SLC8A1: variants seen among roughly 807,000 people sequenced by gnomAD.
SLC8A1 encodes solute carrier family 8 member A1.
In SLC8A1, 18 loss-of-function variants were observed where a neutral mutation model predicts 68.3. The observed-to-expected ratio is 0.26, with a 90% CI of 0.18 to 0.39. The LOEUF (loss-of-function observed/expected upper bound fraction) is 0.39. Among genes scored for constraint, SLC8A1 ranks in the 10% least tolerant of loss-of-function variants. The pLI is 1.00. For missense variants in SLC8A1, 985 were observed against 1,156.7 expected (o/e 0.85, Z 2.15); for synonymous variants, 475 against 415.5 (o/e 1.14, Z -1.74).
At chr2:40,326,611 G>C (rs955659969) in intron 2 of SLC8A1, among the ~76,000 whole-genome samples, 1 of 152,002 alleles carries the variant, frequency 6.6e-6, no homozygotes, top group African/African-American at 2.4e-5. Flanking sequence ...CTTTCGAACT[G>C]CCAAGAGTTA....
At chr2:40,291,120 C>T (rs907631277) in intron 2 of SLC8A1, among the ~76,000 whole-genome samples, 6 of 152,148 alleles carry the variant, frequency 3.9e-5, no homozygotes, top group Admixed American at 2.6e-4. Flanking sequence ...TGGATGTAGG[C>T]GACTTCTTTC....
chr2:40,364,960 C>T (rs1675669736), intron 2 of SLC8A1, among the ~76,000 whole-genome samples: 2 of 151,770 alleles, frequency 1.3e-5, no homozygotes, highest in South Asian at 2.1e-4. Context: ...AGATTTGTTG[C>T]TGGGGCACAT....
chr2:40,424,822 T>C (rs1046129544), intron 2 of SLC8A1, among the ~76,000 whole-genome samples: 1 of 151,896 alleles, frequency 6.6e-6, no homozygotes, highest in African/African-American at 2.4e-5. Flanking sequence ...TGCTGGGCTA[T>C]AACTAATTAA....
intron 2 of SLC8A1, among the ~76,000 whole-genome samples, chr2:40,201,112 CA>C (rs1000261921): frequency 1.1e-3 from 160 of 144,662 alleles, no homozygotes; most frequent in African/African-American, 2.7e-3. Context: ...CCCACTCCCT[CA>C]AAAAAAAAAG....
intron 2 of SLC8A1, among the ~76,000 whole-genome samples, chr2:40,305,568 T>TGA (rs1207892792): frequency 1.3e-5 from 2 of 152,188 alleles, no homozygotes; most frequent in African/African-American, 4.8e-5. Context: ...TTTCAGAGGC[T>TGA]GTGATAAGCA....
chr2:40,237,880 T>A (rs2060618117), intron 2 of SLC8A1, among the ~76,000 whole-genome samples: 1 of 152,148 alleles, frequency 6.6e-6, no homozygotes, highest in Non-Finnish European at 1.5e-5. Flanking sequence ...GGTGTCAGTG[T>A]GCCCCTGCTG....
chr2:40,281,974 T>A (rs1252320942), intron 2 of SLC8A1, among the ~76,000 whole-genome samples: 1 of 152,192 alleles, frequency 6.6e-6, no homozygotes, highest in Non-Finnish European at 1.5e-5. Flanking sequence ...GGAGTCTGTT[T>A]ATTCTTCTAG....
chr2:40,417,407 T>A (rs1422371511), intron 2 of SLC8A1, among the ~76,000 whole-genome samples: 1 of 152,302 alleles, frequency 6.6e-6, no homozygotes, highest in South Asian at 2.1e-4. Context: ...AATCAAGACA[T>A]GTTTCTTAAT....
intron 2 of SLC8A1, among the ~76,000 whole-genome samples, chr2:40,327,824 A>G (rs1302262890): frequency 6.6e-6 from 1 of 152,186 alleles, no homozygotes; most frequent in African/African-American, 2.4e-5. Context: ...GGGTGATGGG[A>G]TCAGTCATAC....
intron 6 of SLC8A1, among the ~76,000 whole-genome samples, chr2:40,155,518 G>A (rs1244229964): frequency 6.6e-6 from 1 of 152,112 alleles, no homozygotes; most frequent in Admixed American, 6.6e-5. Flanking sequence ...CCATAGTAAT[G>A]ATGTTCAATA....
rs1705471306 is a variant in SLC8A1 at position 40,493,516 on chromosome 2, TAAAA to T, written c.-25+18829_-25+18832del. Among the ~76,000 whole-genome samples, 3 of 149,938 alleles carry T rather than the reference TAAAA, an allele frequency of 2.0e-5. 1 individual carries two copies. The highest frequency in any genetic ancestry group is 2.0e-4 in the Admixed American group (3 of 15,062). ...TATAATAAAATAAAATAAAATAAAA[TAAAA>T]TTTAAAAAAAAAGAAGCTTAGGTTC... On this transcript the variant is annotated intron_variant, in intron 1 of 7. Transcript: ENST00000402441.
rs186178061 is a variant in SLC8A1 at position 40,132,693 on chromosome 2, G to C, written c.2437+6708C>G. ...TCTCAGTTACTAAAAATAATATAAT[G>C]TTTTGTAGCACAGTGCTGAACAAAC... On this transcript the variant is annotated intron_variant, in intron 7 of 7. Transcript: ENST00000406785. 6.6e-5 allele frequency among the ~76,000 whole-genome samples: 10 copies of C among 152,192 alleles called. No individual in the cohort carries two copies. In the East Asian group the frequency reaches 1.9e-3, roughly 29 times the overall value.
At chr2:40,417,765 C>T (rs557910928) in intron 2 of SLC8A1, among the ~76,000 whole-genome samples, 2 of 152,138 alleles carry the variant, frequency 1.3e-5, no homozygotes, top group East Asian at 3.9e-4. Flanking sequence ...GCACAGTGTC[C>T]ACAATGAACA....
chr2:40,265,115 G>C (rs913442247), intron 2 of SLC8A1, among the ~76,000 whole-genome samples: 1 of 152,160 alleles, frequency 6.6e-6, no homozygotes, highest in Non-Finnish European at 1.5e-5. Flanking sequence ...AATGAATTAT[G>C]TTTCAGAAGG....
chr2:40,131,345 C>CA (rs1558467663), intron 7 of SLC8A1, among the ~76,000 whole-genome samples: 1 of 152,182 alleles, frequency 6.6e-6, no homozygotes, highest in Non-Finnish European at 1.5e-5. Flanking sequence ...TGTTAACTGT[C>CA]AATCTATCTG....
chr2:40,165,055 A>C, intron 4 of SLC8A1, 71 bp from the exon 8 acceptor site: 1 of 1,592,476 alleles, frequency 6.3e-7, no homozygotes, highest in South Asian at 1.1e-5. Flanking sequence ...ATCCTGCCAT[A>C]AGAAAGCCAA....
At chr2:40,258,944 G>A (rs2064318126) in intron 2 of SLC8A1, among the ~76,000 whole-genome samples, 1 of 151,210 alleles carries the variant, frequency 6.6e-6, no homozygotes, top group East Asian at 1.9e-4. Flanking sequence ...AAAAAAAAAA[G>A]GAAATACTTT....
intron 2 of SLC8A1, among the ~76,000 whole-genome samples, chr2:40,206,015 T>C (rs1035856559): frequency 1.3e-5 from 2 of 151,980 alleles, no homozygotes; most frequent in African/African-American, 4.8e-5. Flanking sequence ...AAATAAAATA[T>C]ATTTAATGAA....
intron 2 of SLC8A1, among the ~76,000 whole-genome samples, chr2:40,407,748 T>G (rs960870648): frequency 6.6e-5 from 10 of 152,332 alleles, no homozygotes; most frequent in African/African-American, 2.2e-4. Flanking sequence ...TTGTGAATAT[T>G]CAGTGAATAT....
Sources: allele counts gnomAD v4.1 joint callset (sites outside exome capture counted in the v4.1 genomes callset), GRCh38; gene constraint gnomAD v4.1.1; transcripts MANE v1.5; gene names NCBI Gene and HGNC (gene_info 2026-07-23, HGNC 2026-07-21).